Variants in PPARGC1A observed in about 807,000 individuals in gnomAD.
PPARGC1A encodes PPARG coactivator 1 alpha, also known as peroxisome proliferator-activated receptor gamma coactivator 1-alpha.
A neutral mutation model predicts 88.7 loss-of-function variants in PPARGC1A; 25 were observed. The ratio of observed to expected loss-of-function variants is 0.28; its 90% CI spans 0.21 to 0.39. The LOEUF (loss-of-function observed/expected upper bound fraction) is 0.39, where lower values mean the gene tolerates loss of function less well. Among genes scored for constraint, PPARGC1A ranks in the 10% least tolerant of loss-of-function variants. The pLI, the probability that PPARGC1A is intolerant of heterozygous loss-of-function variation, is 1.00. For synonymous variants in PPARGC1A, 363 were observed against 355.6 expected (o/e 1.02, Z -0.24); for missense variants, 880 against 968.7 (o/e 0.91, Z 1.22).
At chr4:24,277,397 A>G in the PPARGC1A span, among the ~76,000 whole-genome samples, 3 of 151,932 alleles carry the variant, frequency 2.0e-5, no homozygotes, top group African/African-American at 7.3e-5. Flanking sequence ...ACTGTTTCCC[A>G]AGCAGCCCTC....
chr4:24,057,456 TAAA>T, the PPARGC1A span, among the ~76,000 whole-genome samples: 1,468 of 139,454 alleles, frequency 0.011, 6 homozygotes, highest in Non-Finnish European at 0.016. Flanking sequence ...TAAGATGGTT[TAAA>T]AAAAAAAAAA....
At chr4:24,291,546 G>T in the PPARGC1A span, among the ~76,000 whole-genome samples, 1 of 152,136 alleles carries the variant, frequency 6.6e-6, no homozygotes, top group Non-Finnish European at 1.5e-5. Context: ...AAATCCCAAG[G>T]GGTAGGTGGT....
chr4:24,193,877 C>T, the PPARGC1A span, among the ~76,000 whole-genome samples: 1 of 152,054 alleles, frequency 6.6e-6, no homozygotes, highest in Non-Finnish European at 1.5e-5. Flanking sequence ...GCCTGTAATC[C>T]CAGCACTTTG....
the PPARGC1A span, among the ~76,000 whole-genome samples, chr4:24,035,322 T>C: frequency 6.6e-6 from 1 of 151,994 alleles, no homozygotes; most frequent in Non-Finnish European, 1.5e-5. Flanking sequence ...GGCAGATCCC[T>C]TGAGGTCAGG....
chr4:23,919,450 C>A, the PPARGC1A span, among the ~76,000 whole-genome samples: 460 of 151,892 alleles, frequency 3.0e-3, 6 homozygotes, highest in East Asian at 0.048. Flanking sequence ...GATTAACCTA[C>A]CATCCTATGA....
chr4:24,376,459 A>G, the PPARGC1A span, among the ~76,000 whole-genome samples: 1 of 152,252 alleles, frequency 6.6e-6, no homozygotes, highest in African/African-American at 2.4e-5. Context: ...CCAACTGAAT[A>G]AAGCATCCTT....
chr4:23,885,157 A>C (rs1230734356), intron 1 of PPARGC1A, among the ~76,000 whole-genome samples: 2 of 152,156 alleles, frequency 1.3e-5, no homozygotes, highest in African/African-American at 4.8e-5. Context: ...ACCTCCAAAC[A>C]CATGGTAAAT....
At chr4:24,040,917 C>A in the PPARGC1A span, among the ~76,000 whole-genome samples, 2 of 152,084 alleles carry the variant, frequency 1.3e-5, no homozygotes, top group East Asian at 3.9e-4. Flanking sequence ...AATTAGAAAC[C>A]ATCCTTTAGA....
intron 2 of PPARGC1A, among the ~76,000 whole-genome samples, chr4:23,860,847 C>T (rs1213642883): frequency 6.6e-6 from 1 of 152,180 alleles, no homozygotes; most frequent in South Asian, 2.1e-4. Flanking sequence ...TTGGGTACCA[C>T]TGGCTTGCAC....
In PPARGC1A at chr4:23,878,620, G is replaced by A. The variant is rs115334330; in HGVS notation, c.234+6132C>T. On this transcript the variant is annotated intron_variant, in intron 2 of 12. Coordinates refer to ENST00000264867, the MANE Select transcript of PPARGC1A (RefSeq NM_013261.5). ...AAGATAAGCCAGATGTTATCAAGCCGAGAAGTCTAAAACCACAGTGCTTAA... is the reference window on the plus strand; with the variant it reads ...AAGATAAGCCAGATGTTATCAAGCCAAGAAGTCTAAAACCACAGTGCTTAA... Among the ~76,000 whole-genome samples, 469 of 152,184 alleles carry A rather than the reference G, an allele frequency of 3.1e-3. 3 individuals carry two copies. Among genetic ancestry groups the A allele is most frequent in the African/African-American group, 1.0e-2 (414 of 41,516 alleles).
Position 23,839,602 on chromosome 4 carries a change from A to G in PPARGC1A, c.235-7851T>C, listed in dbSNP as rs57833368. ...CAACTCAACTCTCTGGCTGCATTGC[A>G]TAGTCTCGAATGAAAATCCCATAGG... is the stretch of plus-strand genomic sequence containing the variant. On this transcript the variant is annotated intron_variant, in intron 2 of 12. Transcript: ENST00000264867. Among the ~76,000 whole-genome samples the G allele has an allele frequency of 4.5e-3, 689 of 152,286 alleles. 3 individuals carry two copies. Among genetic ancestry groups the G allele is most frequent in the African/African-American group, 0.014 (593 of 41,560 alleles).
rs1462773399 is a variant in PPARGC1A at position 23,812,796 on chromosome 4, C to T, written c.1970G>A (p.Arg657Gln). Residue 657 changes from arginine to glutamine, a missense_variant, in exon 10 of 13, where the codon CGA (arginine) becomes CAA (glutamine). By Grantham distance (43) the Arg-to-Gln change is conservative (BLOSUM62 1). Coordinates refer to ENST00000264867, the MANE Select transcript of PPARGC1A (RefSeq NM_013261.5). Reference sequence around the variant, plus strand: ...CCTTTGCTTGGCCCTCTCAGACTCTCGCTTCTCATACTCTCTGCGATATTC... The same window carrying T: ...CCTTTGCTTGGCCCTCTCAGACTCTTGCTTCTCATACTCTCTGCGATATTC... ...REEYRREYEK[R>Q]ESERAKQRER... The T allele has an allele frequency of 1.3e-5, 21 of 1,613,914 alleles. No homozygotes were observed. The highest frequency in any genetic ancestry group is 1.7e-5 in the Admixed American group (1 of 59,996).
At chr4:24,207,000 T>C in the PPARGC1A span, among the ~76,000 whole-genome samples, 1 of 152,030 alleles carries the variant, frequency 6.6e-6, no homozygotes, top group Non-Finnish European at 1.5e-5. Context: ...CGTCTCTCAG[T>C]TGTTTACTTC....
chr4:24,128,577 T>C, the PPARGC1A span, among the ~76,000 whole-genome samples: 30 of 131,068 alleles, frequency 2.3e-4, 1 homozygote, highest in African/African-American at 7.3e-4. Context: ...TGTGTGTGTG[T>C]GTGCACGCGC....
At chr4:24,415,559 A>C in the PPARGC1A span, among the ~76,000 whole-genome samples, 1 of 152,330 alleles carries the variant, frequency 6.6e-6, no homozygotes, top group East Asian at 1.9e-4. Flanking sequence ...CACTTACAAA[A>C]GCAGACCTTT....
chr4:24,267,874 G>A, the PPARGC1A span, among the ~76,000 whole-genome samples: 2 of 152,026 alleles, frequency 1.3e-5, no homozygotes, highest in East Asian at 1.9e-4. Context: ...TTCCATAAGG[G>A]CACCATCTGT....
the PPARGC1A span, among the ~76,000 whole-genome samples, chr4:23,994,065 C>T: frequency 6.6e-6 from 1 of 152,110 alleles, no homozygotes; most frequent in Non-Finnish European, 1.5e-5. Context: ...TAAAATGTCC[C>T]AGCCTGCTCA....
At chr4:23,912,176 A>G in the PPARGC1A span, among the ~76,000 whole-genome samples, 2 of 152,256 alleles carry the variant, frequency 1.3e-5, no homozygotes, top group South Asian at 4.1e-4. Flanking sequence ...CAATGAAGAG[A>G]TGGCATTTTC....
At chr4:23,915,141 G>GT in the PPARGC1A span, among the ~76,000 whole-genome samples, 1 of 152,012 alleles carries the variant, frequency 6.6e-6, no homozygotes, top group Non-Finnish European at 1.5e-5. Flanking sequence ...ACTCCATTTG[G>GT]TTTTTTAATG....
Sources: gnomAD v4.1 joint callset for allele counts (sites outside exome capture counted in the v4.1 genomes callset) on GRCh38, gnomAD v4.1.1 for gene constraint, MANE v1.5 for transcripts, NCBI Gene and HGNC (gene_info 2026-07-23, HGNC 2026-07-21) for gene names.